The following CYB5D2 variants were observed in gnomAD, a reference collection of about 807,000 sequenced individuals.
CYB5D2 encodes cytochrome b5 domain containing 2.
A neutral mutation model predicts 22.8 loss-of-function variants in CYB5D2; 23 were observed. The observed-to-expected ratio is 1.01, with a 90% CI of 0.73 to 1.43. CYB5D2 has a LOEUF of 1.43. CYB5D2 is among the 40% of genes most tolerant of loss of function. The probability of loss-of-function intolerance (pLI) is 0.00; values close to 1 mark genes in which losing one functional copy is unlikely to be tolerated. For missense variants in CYB5D2, 373 were observed against 357.2 expected, an observed-to-expected ratio of 1.04 and a Z score of -0.36; for synonymous variants, 170 against 152.2, an observed-to-expected ratio of 1.12 and a Z score of -0.86.
Position 4,149,871 on chromosome 17 carries a change from T to A in CYB5D2, c.251-20T>A. ...GTCAGTGGTTTACACCTGGGTCTGA[T>A]GGAAACATCTCTGTTCCAGGCCGAG... On this transcript the variant is annotated intron_variant, in intron 1 of 3. Transcript: ENST00000301391. 1.2e-6 allele frequency: 2 copies of A among 1,607,450 alleles called. No individual in the cohort carries two copies. The highest frequency in any genetic ancestry group is 1.1e-5 in the South Asian group (1 of 90,660).
intron 1 of CYB5D2, among the ~76,000 whole-genome samples, chr17:4,144,564 C>G (rs1407724675): frequency 6.6e-6 from 1 of 152,140 alleles, no homozygotes; most frequent in Non-Finnish European, 1.5e-5. Context: ...CAAGATGCAC[C>G]TGTTTGCCTT....
chr17:4,146,845 G>T (rs2058998159), intron 1 of CYB5D2, among the ~76,000 whole-genome samples: 1 of 151,944 alleles, frequency 6.6e-6, no homozygotes, highest in African/African-American at 2.4e-5. Flanking sequence ...TTTTCCTGTC[G>T]ATTGGCCTAT....
At chr17:4,154,976 C>G in intron 3 of CYB5D2, 116 bp downstream of exon 3, 1 of 1,081,044 alleles carries the variant, frequency 9.3e-7, no homozygotes, top group Non-Finnish European at 1.3e-6. Flanking sequence ...GGAGCTTTTT[C>G]AAAATACTGA....
Position 4,143,796 on chromosome 17 carries a change from C to T in CYB5D2, c.41C>T (p.Ala14Val). 1 of 1,614,046 alleles carries T rather than the reference C, an allele frequency of 6.2e-7. No homozygotes were observed. The highest frequency in any genetic ancestry group is 8.5e-7 in the Non-Finnish European group (1 of 1,179,980). The change falls in exon 1 of 4, where the codon GCT (alanine) becomes GTT (valine). Residue 14 changes from alanine to valine, a missense_variant. Transcript: ENST00000301391. ...GGCCGTGGGCTTTTGTTGGGCCTGG[C>T]TGTAGCCGCAGCAGCGGTAATGGCA... ...CGGRGLLLGL[A>V]VAAAAVMAAR... is the part of the protein sequence containing the mutation.
rs2058917707 is a variant in CYB5D2, at chr17:4,143,556, A to T, written c.-200A>T. 3.1e-6 allele frequency: 2 copies of T among 644,676 alleles called. No homozygotes were observed. Among genetic ancestry groups the T allele is most frequent in the Non-Finnish European group, 4.9e-6 (2 of 406,166 alleles). The allele number at this position is 644,676 out of a possible 1,614,324, so 39.9% of individuals were successfully genotyped here. On this transcript the variant is annotated 5_prime_UTR_variant, in exon 1 of 4. Transcript: ENST00000301391. ...AAAAAAAAAAAAAAGTACCTGGAAA[A>T]AGTCGCAGACAGCGAGCTTTTCGCC... is the stretch of plus-strand genomic sequence containing the variant.
Position 4,143,658 on chromosome 17 carries a change from A to G in CYB5D2, c.-98A>G. The G allele has an allele frequency of 6.0e-6, 9 of 1,497,582 alleles. No homozygotes were observed. Among genetic ancestry groups the G allele is most frequent in the Non-Finnish European group, 8.0e-6 (9 of 1,118,302 alleles). The allele number at this position is 1,497,582 out of a possible 1,614,324, so 92.8% of individuals were successfully genotyped here. A position where few individuals can be genotyped will look rare whatever the true frequency, so the allele number is the denominator to read the frequency against. On this transcript the variant is annotated 5_prime_UTR_variant, in exon 1 of 4. Transcript: ENST00000301391. ...ACTAGCGCGCGAGAGAGAGAGCGAG[A>G]GCGCGCGCGCCGATGACGTCACGCT...
chr17:4,151,774 GT>G (rs2059060890), intron 2 of CYB5D2, among the ~76,000 whole-genome samples: 1 of 152,046 alleles, frequency 6.6e-6, no homozygotes, highest in South Asian at 2.1e-4. Flanking sequence ...GGAGGCTGAG[GT>G]GGTCGGATCA....
chr17:4,143,977 G>C lies in CYB5D2; in HGVS notation c.222G>C (p.Glu74Asp), dbSNP rs747774465. Residue 74 changes from glutamate to aspartate, a missense_variant, in exon 1 of 4, where the codon GAG (glutamate) becomes GAC (aspartate). Coordinates refer to ENST00000301391, the MANE Select transcript of CYB5D2 (RefSeq NM_144611.4). ...YDVSSGRRHY[E>D]PGSHYSGFAG... ...TGTCCTCCGGCCGGAGGCACTACGA[G>C]CCTGGGTCCCACTATAGCGGCTTCG... 3 of 1,611,198 alleles carry C rather than the reference G, an allele frequency of 1.9e-6. No homozygotes were observed. The highest frequency in any genetic ancestry group is 2.5e-6 in the Non-Finnish European group (3 of 1,179,222).
intron 2 of CYB5D2, among the ~76,000 whole-genome samples, chr17:4,153,000 A>G (rs1396326980): frequency 6.6e-6 from 1 of 152,064 alleles, no homozygotes; most frequent in Non-Finnish European, 1.5e-5. Context: ...CTGGTCTCGA[A>G]CCCCTGACCT....
At chr17:4,144,096 C>T (rs868411930) in intron 1 of CYB5D2, 91 bp downstream of exon 1, 9 of 1,255,468 alleles carry the variant, frequency 7.2e-6, no homozygotes, top group Non-Finnish European at 8.7e-6. Flanking sequence ...TCATCTATTT[C>T]CCCCCCCATC....
At position 4,143,885 on chromosome 17, in the gene CYB5D2, T is replaced by C; in HGVS notation, c.130T>C (p.Ser44Pro). 1 of 1,614,004 alleles carries C rather than the reference T, an allele frequency of 6.2e-7. No homozygotes were observed. Among genetic ancestry groups the C allele is most frequent in the Non-Finnish European group, 8.5e-7 (1 of 1,180,016 alleles). Residue 44 changes from serine (S) to proline (P), a missense_variant, in exon 1 of 4, where the codon TCT (serine) becomes CCT (proline). Ser to Pro is a moderately conservative substitution (Grantham distance 74, BLOSUM62 -1). Coordinates refer to ENST00000301391, the MANE Select transcript of CYB5D2 (RefSeq NM_144611.4). ...GFRLFIPEEL[S>P]RYRGGPGDPG... Reference sequence around the variant, plus strand: ...TCGCCTTTTCATACCGGAGGAGCTGTCTCGCTACCGCGGCGGCCCAGGGGA... The same window carrying C: ...TCGCCTTTTCATACCGGAGGAGCTGCCTCGCTACCGCGGCGGCCCAGGGGA...
Position 4,143,718 on chromosome 17 carries a change from G to A in CYB5D2, c.-38G>A. ...GGCCATCTTAGCTGTAGATAGAGGC[G>A]GCAACCTCGGAAGTGCGGAGCGGGT... On this transcript the variant is annotated 5_prime_UTR_variant, in exon 1 of 4. Coordinates refer to ENST00000301391, the MANE Select transcript of CYB5D2 (RefSeq NM_144611.4). 1.3e-6 allele frequency: 2 copies of A among 1,574,108 alleles called. No homozygotes were observed. The highest frequency in any genetic ancestry group is 8.6e-7 in the Non-Finnish European group (1 of 1,156,592).
chr17:4,147,794 G>A lies in CYB5D2; in HGVS notation c.251-2097G>A, dbSNP rs760597565. ...CTTGAACCTGGGAGGCAGAGGTTGC[G>A]GTGAGCCGAGATTGTGCCATTGCAC... On this transcript the variant is annotated intron_variant, in intron 1 of 3. Coordinates refer to ENST00000301391, the MANE Select transcript of CYB5D2 (RefSeq NM_144611.4). 9.2e-5 allele frequency among the ~76,000 whole-genome samples: 14 copies of A among 152,036 alleles called. No homozygotes were observed. The East Asian group carries it at 9.7e-4, about 10-fold the overall frequency.
intron 2 of CYB5D2, 102 bp downstream of exon 2, chr17:4,150,133 A>G (rs2059039502): frequency 2.8e-6 from 4 of 1,435,366 alleles, no homozygotes; most frequent in Middle Eastern, 2.5e-4. Context: ...TCTGAAAAAC[A>G]GCCATGGATT....
At position 4,149,971 on chromosome 17, in the gene CYB5D2, G is replaced by A. The variant is rs758750553; in HGVS notation, c.331G>A (p.Ala111Thr). ...GGATGACGTATCCGACCTGTCAGCCGCTGAGATGCTGACACTTCACAATTG... is the reference window on the plus strand; with the variant it reads ...GGATGACGTATCCGACCTGTCAGCCACTGAGATGCTGACACTTCACAATTG... ...LVDDVSDLSAAEMLTLHNWLS... is the reference protein window; with the variant it reads ...LVDDVSDLSATEMLTLHNWLS... Residue 111 changes from alanine (A) to threonine (T), a missense_variant, in exon 2 of 4, where the codon GCT becomes ACT. By Grantham distance (58) the Ala-to-Thr change is moderately conservative. Coordinates refer to ENST00000301391, the MANE Select transcript of CYB5D2 (RefSeq NM_144611.4). 7 of 1,613,996 alleles carry A rather than the reference G, an allele frequency of 4.3e-6. No individual in the cohort carries two copies. In the South Asian group the frequency reaches 4.4e-5, roughly 10 times the overall value.
Position 4,156,936 on chromosome 17 carries a change from TGC to T in CYB5D2, c.651_652del (p.Val220GlufsTer7). On this transcript the variant is annotated frameshift_variant, in exon 4 of 4. Coordinates refer to ENST00000301391, the MANE Select transcript of CYB5D2 (RefSeq NM_144611.4). LOFTEE classifies it high-confidence loss of function. ...TAAGCCAGGTGCTAAGGAGCCCCGCTGCGTGTGTGTGAGAACCACCGGCCCCC... is the reference window on the plus strand; with the variant it reads ...TAAGCCAGGTGCTAAGGAGCCCCGCTGTGTGTGTGAGAACCACCGGCCCCC... The part of the protein sequence containing the change: ...LYKPGAKEPR[C>X]VCVRTTGPPS... 4 of 1,612,854 alleles carry T rather than the reference TGC, an allele frequency of 2.5e-6. No homozygotes were observed. Among genetic ancestry groups the T allele is most frequent in the Non-Finnish European group, 3.4e-6 (4 of 1,180,022 alleles).
intron 1 of CYB5D2, among the ~76,000 whole-genome samples, chr17:4,145,863 A>G (rs1412469251): frequency 6.6e-6 from 1 of 152,196 alleles, no homozygotes; most frequent in African/African-American, 2.4e-5. Context: ...CAGTGGCATG[A>G]TCTTGGCTCA....
intron 1 of CYB5D2, 136 bp downstream of exon 1, chr17:4,144,141 G>A (rs191207279): frequency 2.4e-6 from 3 of 1,256,492 alleles, no homozygotes; most frequent in East Asian, 5.0e-5. Context: ...TGCGGTGGGC[G>A]GGACGAGCTG....
Position 4,157,334 on chromosome 17 carries a change from C to A in CYB5D2, c.*252C>A. On this transcript the variant is annotated 3_prime_UTR_variant, in exon 4 of 4. Transcript: ENST00000301391. The surrounding 1 kb of genome is among the most constrained non-coding windows in gnomAD (Gnocchi z 4.4). ...TTCCCTTTGACCTACTGGCCATCTTCCTCACAGCCCTCAGATATCAACGGG... is the reference window on the plus strand; with the variant it reads ...TTCCCTTTGACCTACTGGCCATCTTACTCACAGCCCTCAGATATCAACGGG... 1.8e-6 allele frequency: 1 copy of A among 549,630 alleles called. No homozygotes were observed. The highest frequency in any genetic ancestry group is 3.3e-6 in the Non-Finnish European group (1 of 305,658). The allele number at this position is 549,630 out of a possible 1,614,324, so 34.0% of individuals were successfully genotyped here. A position where few individuals can be genotyped will look rare whatever the true frequency, so the allele number is the denominator to read the frequency against.
Sources: allele counts gnomAD v4.1 joint callset (sites outside exome capture counted in the v4.1 genomes callset), GRCh38; gene constraint gnomAD v4.1.1; non-coding constraint Gnocchi (gnomAD v3.1); transcripts MANE v1.5; gene names NCBI Gene and HGNC (gene_info 2026-07-23, HGNC 2026-07-21).